ZNF678: variants seen among roughly 807,000 people sequenced by gnomAD.
ZNF678 encodes hypothetical protein MGC42493.
ZNF678 carries 5 observed loss-of-function variants against 3.0 expected under a neutral mutation model. The observed-to-expected ratio is 1.69, with a 90% CI of 0.88 to 3.56. The LOEUF (loss-of-function observed/expected upper bound fraction) is 3.56. Ranked by LOEUF, ZNF678 falls within the 30% of genes most tolerant of loss-of-function variation. The pLI is 0.00. For synonymous variants in ZNF678, 218 were observed against 199.6 expected, an observed-to-expected ratio of 1.09 and a Z score of -0.78; for missense variants, 593 against 605.0, an observed-to-expected ratio of 0.98 and a Z score of 0.21.
chr1:227,610,845 G>A (rs1041067188), intron 1 of ZNF678, among the ~76,000 whole-genome samples: 1 of 152,128 alleles, frequency 6.6e-6, no homozygotes, highest in African/African-American at 2.4e-5. Flanking sequence ...ATAGAAGGGG[G>A]GTTTTCTGAA....
chr1:227,634,975 G>A lies in ZNF678; in HGVS notation c.-163-11569G>A, dbSNP rs184820318. Among the ~76,000 whole-genome samples the A allele has an allele frequency of 6.6e-4, 101 of 152,168 alleles. 3 individuals are homozygous for A. The East Asian group carries it at 0.017, about 26-fold the overall frequency. On this transcript the variant is annotated intron_variant, in intron 1 of 3. Transcript: ENST00000343776. ...GCAATTCTAGTCATTTTGGCCACAG[G>A]GGTGCTTGTGTCACCCTTCCTCCAG...
intron 1 of ZNF678, among the ~76,000 whole-genome samples, chr1:227,578,008 C>T (rs982006186): frequency 2.6e-5 from 4 of 152,004 alleles, no homozygotes; most frequent in Admixed American, 6.6e-5. Flanking sequence ...TTAATTTGGC[C>T]GAATATGAAA....
chr1:227,591,031 C>T (rs1243939378), intron 1 of ZNF678, among the ~76,000 whole-genome samples: 1 of 151,766 alleles, frequency 6.6e-6, no homozygotes, highest in Non-Finnish European at 1.5e-5. Context: ...TATTACAGTT[C>T]CTCCACATAC....
At chr1:227,646,075 G>T (rs1432356950) in intron 1 of ZNF678, among the ~76,000 whole-genome samples, 2 of 152,146 alleles carry the variant, frequency 1.3e-5, no homozygotes, top group Non-Finnish European at 2.9e-5. Flanking sequence ...TATTCTTCTT[G>T]GTTCAGAAGC....
In ZNF678 at chr1:227,573,468, T is replaced by C. The variant is rs534281750; in HGVS notation, c.-164+9744T>C. Among the ~76,000 whole-genome samples, 5 of 152,362 alleles carry C rather than the reference T, an allele frequency of 3.3e-5. No homozygotes were observed. In the East Asian group the frequency reaches 7.7e-4, roughly 23 times the overall value. ...TCAGGTCATGCATAATGTGTGCTTGTTAATAAAAATATGAATTTAAAAAAT... is the reference window on the plus strand; with the variant it reads ...TCAGGTCATGCATAATGTGTGCTTGCTAATAAAAATATGAATTTAAAAAAT... On this transcript the variant is annotated intron_variant, in intron 1 of 3. Coordinates refer to ENST00000343776, the MANE Select transcript of ZNF678 (RefSeq NM_001367909.1).
At chr1:227,623,313 G>A (rs755954538) in intron 1 of ZNF678, among the ~76,000 whole-genome samples, 14 of 152,194 alleles carry the variant, frequency 9.2e-5, no homozygotes, top group Non-Finnish European at 2.1e-4. Context: ...GCAAACCTTA[G>A]CTCAGCCATT....
chr1:227,679,577 A>G (rs1268249513), downstream of ZNF678, among the ~76,000 whole-genome samples: 1 of 148,394 alleles, frequency 6.7e-6, no homozygotes, highest in Non-Finnish European at 1.5e-5. Context: ...GTGAGCCCTT[A>G]AAAGGGACAG....
intron 1 of ZNF678, among the ~76,000 whole-genome samples, chr1:227,585,574 A>G (rs1657238014): frequency 6.6e-6 from 1 of 152,166 alleles, no homozygotes; most frequent in Admixed American, 6.5e-5. Context: ...AGAGATCGAG[A>G]CCATACTGGC....
In ZNF678 at chr1:227,654,474, A is replaced by G. The variant is rs1382079475; in HGVS notation, c.224A>G (p.Glu75Gly). 7 of 1,613,152 alleles carry G rather than the reference A, an allele frequency of 4.3e-6. No homozygotes were observed. Among genetic ancestry groups the G allele is most frequent in the Admixed American group, 1.7e-5 (1 of 59,898 alleles). The change falls in exon 4 of 4, where the codon GAA becomes GGA. Residue 75 changes from glutamate to glycine, a missense_variant. Glu to Gly is a moderately conservative substitution (Grantham distance 98, BLOSUM62 -2). Coordinates refer to ENST00000343776, the MANE Select transcript of ZNF678 (RefSeq NM_001367909.1). ...GTGAAAGACTGGAGAACTGTGAATG[A>G]AGGTAAGGGGCAGAAAGAATATTGC... ...HLVKDWRTVN[E>G]GKGQKEYCNR...
At chr1:227,647,118 G>A (rs12133008) in intron 2 of ZNF678, among the ~76,000 whole-genome samples, 31,997 of 152,010 alleles carry the variant, frequency 0.21, 3,509 homozygotes, top group East Asian at 0.25. Flanking sequence ...TTAGATGGGC[G>A]TGGTGGCATG....
At chr1:227,604,604 A>G (rs1657818805) in intron 1 of ZNF678, among the ~76,000 whole-genome samples, 2 of 152,018 alleles carry the variant, frequency 1.3e-5, no homozygotes, top group African/African-American at 4.8e-5. Flanking sequence ...TGCACAGCTG[A>G]TCTCAAACTC....
intron 1 of ZNF678, among the ~76,000 whole-genome samples, chr1:227,620,999 T>TC (rs1207304190): frequency 6.6e-6 from 1 of 152,140 alleles, no homozygotes; most frequent in East Asian, 1.9e-4. Context: ...ACACCTGGAA[T>TC]CCCAGTATTT....
intron 1 of ZNF678, among the ~76,000 whole-genome samples, chr1:227,569,002 G>A (rs937777083): frequency 4.6e-5 from 7 of 152,200 alleles, no homozygotes; most frequent in African/African-American, 1.7e-4. Context: ...GTGATTCCAG[G>A]TGTCCTCCCA....
chr1:227,624,312 C>T (rs1354861943), intron 1 of ZNF678, among the ~76,000 whole-genome samples: 1 of 152,176 alleles, frequency 6.6e-6, no homozygotes, highest in Non-Finnish European at 1.5e-5. Context: ...ATGATCCCTC[C>T]ACAAAGACCC....
At chr1:227,611,139 A>G (rs1658007106) in intron 1 of ZNF678, among the ~76,000 whole-genome samples, 1 of 152,202 alleles carries the variant, frequency 6.6e-6, no homozygotes, top group Non-Finnish European at 1.5e-5. Context: ...GAAGCTTCCA[A>G]TGGGCTACCT....
downstream of ZNF678, among the ~76,000 whole-genome samples, chr1:227,666,553 T>G (rs574578751): frequency 6.6e-6 from 1 of 152,216 alleles, no homozygotes; most frequent in South Asian, 2.1e-4. Context: ...GACTTGTGGC[T>G]TAGGGGAAGT....
intron 1 of ZNF678, among the ~76,000 whole-genome samples, chr1:227,644,895 T>TCAGG (rs1658916947): frequency 6.6e-6 from 1 of 152,142 alleles, no homozygotes; most frequent in African/African-American, 2.4e-5. Context: ...TAAGGTAAGG[T>TCAGG]CAGGGTCAAG....
intron 1 of ZNF678, among the ~76,000 whole-genome samples, chr1:227,627,622 A>G (rs1462193834): frequency 1.3e-5 from 2 of 152,056 alleles, no homozygotes; most frequent in Non-Finnish European, 2.9e-5. Flanking sequence ...CTTTCTCTCT[A>G]TATTGCTGCA....
intron 1 of ZNF678, among the ~76,000 whole-genome samples, chr1:227,571,092 GTTAT>G (rs768839235): frequency 2.0e-5 from 3 of 151,938 alleles, no homozygotes; most frequent in African/African-American, 4.8e-5. Flanking sequence ...TGTATTACAG[GTTAT>G]TTATTTTGTA....
Sources: allele counts gnomAD v4.1 joint callset (sites outside exome capture counted in the v4.1 genomes callset), GRCh38; gene constraint gnomAD v4.1.1; transcripts MANE v1.5; gene names NCBI Gene and HGNC (gene_info 2026-07-23, HGNC 2026-07-21).